The following GOLGA3 variants were observed in gnomAD, a reference collection of about 807,000 sequenced individuals.
The protein encoded by GOLGA3 is golgin A3, also known as golgin subfamily A member 3.
GOLGA3 carries 75 observed loss-of-function variants against 169.4 expected under a neutral mutation model. The observed-to-expected ratio is 0.44, with a 90% CI of 0.37 to 0.54. GOLGA3 has a LOEUF of 0.54. Ranked by LOEUF, GOLGA3 falls within the 20% of genes least tolerant of loss-of-function variation. The probability of loss-of-function intolerance (pLI) is 0.00; values close to 1 mark genes in which losing one functional copy is unlikely to be tolerated. For synonymous variants in GOLGA3, 824 were observed against 822.4 expected, an observed-to-expected ratio of 1.00 and a Z score of -0.03; for missense variants, 1,899 against 1,930.0, an observed-to-expected ratio of 0.98 and a Z score of 0.30.
At position 132,795,948 on chromosome 12, in the gene GOLGA3, C is replaced by T. The variant is rs145979965; in HGVS notation, c.2373G>A (p.Glu791=). ...ALQAAKSGKE[E]LDRGARRLEE... ...CCAAGCGTCTTGCTCCTCTGTCAAG[C>T]TCCTCCTTGCCACTCTTGGCCGCCT... Residue 791 remains glutamate, a synonymous_variant, in exon 11 of 24, where the codon GAG becomes GAA. Coordinates refer to ENST00000450791, the MANE Select transcript of GOLGA3 (RefSeq NM_001389683.1). 8.1e-6 allele frequency: 13 copies of T among 1,613,996 alleles called. No homozygotes were observed. The highest frequency in any genetic ancestry group is 1.3e-5 in the African/African-American group (1 of 74,946).
intron 18 of GOLGA3, among the ~76,000 whole-genome samples, chr12:132,780,008 C>CGT (rs1458217539): frequency 1.5e-5 from 2 of 130,798 alleles, no homozygotes; most frequent in African/African-American, 3.1e-5. Flanking sequence ...CAGGCACACA[C>CGT]GTGCGCACAC....
intron 23 of GOLGA3, 72 bp downstream of exon 23, chr12:132,774,085 G>A: frequency 7.3e-7 from 1 of 1,368,694 alleles, no homozygotes; most frequent in East Asian, 2.3e-5. Flanking sequence ...ACTGGCACCA[G>A]GAGTGCCCTC....
At position 132,808,551 on chromosome 12, in the gene GOLGA3, TG is replaced by T. The variant is rs1566125350; in HGVS notation, c.520-3del. 1 of 1,567,658 alleles carries T rather than the reference TG, an allele frequency of 6.4e-7. No homozygotes were observed. Among genetic ancestry groups the T allele is most frequent in the Non-Finnish European group, 8.6e-7 (1 of 1,159,494 alleles). Reference sequence around the variant, plus strand: ...CGTTTTGGTTGCAGGTTGACTGGACTGAGAAGAAAACAAAAGTACAAAAATT... The same window carrying T: ...CGTTTTGGTTGCAGGTTGACTGGACTAGAAGAAAACAAAAGTACAAAAATT... On this transcript the variant is annotated splice_region_variant and splice_polypyrimidine_tract_variant and intron_variant, in intron 4 of 23. Coordinates refer to ENST00000450791, the MANE Select transcript of GOLGA3 (RefSeq NM_001389683.1).
chr12:132,788,387 G>A (rs1283270700), intron 13 of GOLGA3, among the ~76,000 whole-genome samples: 2 of 152,156 alleles, frequency 1.3e-5, no homozygotes, highest in African/African-American at 2.4e-5. Flanking sequence ...CTGATTTCTC[G>A]TCTCACCTCC....
Position 132,813,774 on chromosome 12 carries a change from G to T in GOLGA3, c.407-355C>A, listed in dbSNP as rs954746686. On this transcript the variant is annotated intron_variant, in intron 3 of 23. Coordinates refer to ENST00000450791, the MANE Select transcript of GOLGA3 (RefSeq NM_001389683.1). ...GAGTCTCACTCTGTCGCCCAGAATGGAGTGCAGTGGCATGATCTCGGCTCA... is the reference window on the plus strand; with the variant it reads ...GAGTCTCACTCTGTCGCCCAGAATGTAGTGCAGTGGCATGATCTCGGCTCA... Among the ~76,000 whole-genome samples the T allele has an allele frequency of 2.0e-5, 3 of 147,220 alleles. No homozygotes were observed. The Admixed American group carries it at 2.1e-4, about 10-fold the overall frequency.
chr12:132,807,088 C>G (rs1391778474), intron 6 of GOLGA3, 89 bp downstream of exon 6: 3 of 734,152 alleles, frequency 4.1e-6, no homozygotes, highest in Non-Finnish European at 6.9e-6. Context: ...GATTCCCAAC[C>G]ACATCTGTGA....
intron 4 of GOLGA3, among the ~76,000 whole-genome samples, chr12:132,808,874 A>G (rs1036808752): frequency 6.6e-6 from 1 of 152,236 alleles, no homozygotes; most frequent in African/African-American, 2.4e-5. Flanking sequence ...CCACAGGGTC[A>G]GTGGGTCTCC....
At chr12:132,779,853 G>T (rs527672948) in intron 18 of GOLGA3, among the ~76,000 whole-genome samples, 1 of 89,010 alleles carries the variant, frequency 1.1e-5, no homozygotes, top group African/African-American at 4.0e-5. Context: ...ACCCCCCCGC[G>T]CACATACACA....
At chr12:132,808,760 G>GACC (rs977063391) in intron 4 of GOLGA3, among the ~76,000 whole-genome samples, 2 of 152,136 alleles carry the variant, frequency 1.3e-5, no homozygotes, top group Non-Finnish European at 2.9e-5. Context: ...TGACCAGCAT[G>GACC]ACCACCTCTG....
chr12:132,804,568 G>A lies in GOLGA3; in HGVS notation c.1597+148C>T. 1 of 661,016 alleles carries A rather than the reference G, an allele frequency of 1.5e-6. No individual in the cohort carries two copies. The highest frequency in any genetic ancestry group is 1.9e-5 in the South Asian group (1 of 54,004). 40.9% of individuals were successfully genotyped at this position (661,016 alleles called of 1,614,324 possible). ...GGCGGGGACCAGTCGAGGAAGGAGG[G>A]AGCAGCGGGGACCAGTCGAGGAAGG... On this transcript the variant is annotated intron_variant, in intron 7 of 23. Coordinates refer to ENST00000450791, the MANE Select transcript of GOLGA3 (RefSeq NM_001389683.1). The surrounding 1 kb of genome is among the most constrained non-coding windows in gnomAD (Gnocchi z 4.1).
chr12:132,824,951 G>A (rs1950350369), intron 1 of GOLGA3, among the ~76,000 whole-genome samples: 1 of 152,148 alleles, frequency 6.6e-6, no homozygotes, highest in Non-Finnish European at 1.5e-5. Flanking sequence ...CAAAACAAGG[G>A]GAGGAGCATC....
At chr12:132,774,015 C>T in intron 23 of GOLGA3, 142 bp downstream of exon 23, 2 of 681,464 alleles carry the variant, frequency 2.9e-6, no homozygotes. Context: ...ACCTCAGAGG[C>T]TATGTATGCG....
intron 1 of GOLGA3, among the ~76,000 whole-genome samples, chr12:132,828,148 C>T (rs1316856977): frequency 6.6e-6 from 1 of 152,164 alleles, no homozygotes; most frequent in East Asian, 1.9e-4. Flanking sequence ...GGCCTTAGCA[C>T]GGAAGTCGCC....
At chr12:132,778,399 G>A (rs1297040430) in intron 18 of GOLGA3, among the ~76,000 whole-genome samples, 4 of 151,926 alleles carry the variant, frequency 2.6e-5, no homozygotes, top group Admixed American at 6.6e-5. Flanking sequence ...GGGAAACCCC[G>A]TCTCTACTAA....
Position 132,798,489 on chromosome 12 carries a change from A to AT in GOLGA3, c.1801-13_1801-12insA. 6.3e-7 allele frequency: 1 copy of AT among 1,586,208 alleles called. No homozygotes were observed. Among genetic ancestry groups the AT allele is most frequent in the Non-Finnish European group, 8.5e-7 (1 of 1,172,828 alleles). ...GTCATCTGTCCAACCTTAAAAAAAA[A>AT]ACCCACAAAGTAAAAAGTTGCTCAA... On this transcript the variant is annotated splice_polypyrimidine_tract_variant and intron_variant, in intron 8 of 23. Transcript: ENST00000450791.
intron 1 of GOLGA3, 55 bp downstream of exon 1, chr12:132,828,748 G>A (rs532454816): frequency 8.3e-6 from 1 of 120,868 alleles, no homozygotes; most frequent in African/African-American, 3.0e-5. Flanking sequence ...CTGCGGGAGC[G>A]GGAGCGGGAG....
At chr12:132,822,815 G>T (rs192110662) in intron 1 of GOLGA3, among the ~76,000 whole-genome samples, 3 of 152,094 alleles carry the variant, frequency 2.0e-5, no homozygotes, top group African/African-American at 7.2e-5. Flanking sequence ...CCAGCTACTC[G>T]GGAGGCTGAG....
chr12:132,801,076 G>A (rs890359150), intron 8 of GOLGA3, among the ~76,000 whole-genome samples: 11 of 152,252 alleles, frequency 7.2e-5, no homozygotes, highest in African/African-American at 2.2e-4. Context: ...CGAACCATTC[G>A]CCTGTCGGTC....
rs2045997737 is a variant in GOLGA3, at chr12:132,787,804, TCCCCGGAGACCCCGGGACCCC to T, written c.2812-1038_2812-1018del. Reference sequence around the variant, plus strand: ...CCCTCCCCGGAGACCACGGGACCCCTCCCCGGAGACCCCGGGACCCCTCCCCGGAGACCCCGGGACCCCTCC... The same window carrying T: ...CCCTCCCCGGAGACCACGGGACCCCTTCCCCGGAGACCCCGGGACCCCTCC... On this transcript the variant is annotated intron_variant, in intron 13 of 23. Transcript: ENST00000450791. Among the ~76,000 whole-genome samples the T allele has an allele frequency of 6.2e-5, 2 of 32,300 alleles. 1 individual carries two copies. Among genetic ancestry groups the T allele is most frequent in the Non-Finnish European group, 1.2e-4 (2 of 16,322 alleles). The allele number at this position is 32,300 out of a possible 152,430, so 21.2% of individuals were successfully genotyped here. A position where few individuals can be genotyped will look rare whatever the true frequency, so the allele number is the denominator to read the frequency against.
Sources: gnomAD v4.1 joint callset for allele counts (sites outside exome capture counted in the v4.1 genomes callset) on GRCh38, gnomAD v4.1.1 for gene constraint, Gnocchi (gnomAD v3.1) non-coding constraint, MANE v1.5 for transcripts, NCBI Gene and HGNC (gene_info 2026-07-23, HGNC 2026-07-21) for gene names.